The following ETV1 variants were observed in gnomAD, a reference collection of about 807,000 sequenced individuals.
ETV1 encodes the protein ETS variant transcription factor 1, also known as ETS translocation variant 1.
Under a neutral mutation model 62.3 loss-of-function variants are expected in ETV1, and 27 were observed. The observed-to-expected ratio is 0.43, with a 90% confidence interval of 0.32 to 0.60. The LOEUF (loss-of-function observed/expected upper bound fraction) is 0.60. Among genes scored for constraint, ETV1 ranks in the 20% least tolerant of loss-of-function variants. The pLI is 0.06. For missense variants in ETV1, 605 were observed against 605.8 expected, an observed-to-expected ratio of 1.00 and a Z score of 0.01; for synonymous variants, 222 against 199.6, an observed-to-expected ratio of 1.11 and a Z score of -0.94.
chr7:13,925,128 T>G (rs1338990398), intron 9 of ETV1, among the ~76,000 whole-genome samples: 1 of 152,208 alleles, frequency 6.6e-6, no homozygotes, highest in Non-Finnish European at 1.5e-5. Flanking sequence ...TTTTCTTATT[T>G]TAGCTATCTT....
chr7:13,920,502 C>A (rs973554476), intron 9 of ETV1, among the ~76,000 whole-genome samples: 6 of 151,718 alleles, frequency 4.0e-5, no homozygotes, highest in African/African-American at 1.5e-4. Flanking sequence ...GAATGAAACT[C>A]CAGGCTCTAT....
intron 6 of ETV1, among the ~76,000 whole-genome samples, chr7:13,960,461 T>C (rs1344981596): frequency 1.3e-5 from 2 of 152,184 alleles, no homozygotes; most frequent in Admixed American, 6.5e-5. Flanking sequence ...ATCATTACAT[T>C]CACCCATTTA....
intron 6 of ETV1, among the ~76,000 whole-genome samples, chr7:13,969,060 A>C (rs1412246615): frequency 1.3e-5 from 2 of 152,184 alleles, no homozygotes; most frequent in Non-Finnish European, 2.9e-5. Context: ...CAGACATGGA[A>C]CACATCTGCA....
chr7:13,925,085 C>T (rs955589390), intron 9 of ETV1, among the ~76,000 whole-genome samples: 1 of 152,186 alleles, frequency 6.6e-6, no homozygotes, highest in Non-Finnish European at 1.5e-5. Flanking sequence ...TTCCTGCTCT[C>T]TCTAAGCTCA....
intron 6 of ETV1, among the ~76,000 whole-genome samples, chr7:13,940,683 G>A (rs1214408544): frequency 6.6e-6 from 1 of 152,134 alleles, no homozygotes; most frequent in Non-Finnish European, 1.5e-5. Context: ...GATATGACAA[G>A]AGGAATTTTG....
chr7:13,933,613 G>C (rs1429644235), intron 8 of ETV1, among the ~76,000 whole-genome samples: 2 of 152,144 alleles, frequency 1.3e-5, no homozygotes, highest in Admixed American at 6.5e-5. Flanking sequence ...CTGGCTGGAG[G>C]GGGTGTTTTG....
intron 6 of ETV1, among the ~76,000 whole-genome samples, chr7:13,966,670 C>A (rs1016149018): frequency 1.3e-4 from 19 of 151,986 alleles, no homozygotes; most frequent in Admixed American, 2.6e-4. Context: ...AACAAACAAA[C>A]AAAAAAACCT....
intron 9 of ETV1, among the ~76,000 whole-genome samples, chr7:13,918,729 TG>T (rs1255017211): frequency 1.5e-4 from 9 of 60,988 alleles, no homozygotes; most frequent in Non-Finnish European, 2.3e-4. Context: ...TGTGGTGGGG[TG>T]GGGGGACGGG....
At chr7:13,910,513 A>T in intron 10 of ETV1, 1 of 577,720 alleles carries the variant, frequency 1.7e-6, no homozygotes, top group Non-Finnish European at 2.2e-6. Context: ...ATCTCATACT[A>T]CCCTTTAAAA....
chr7:13,987,257 T>C (rs1351836360), intron 4 of ETV1, among the ~76,000 whole-genome samples: 2 of 152,106 alleles, frequency 1.3e-5, no homozygotes, highest in Non-Finnish European at 2.9e-5. Context: ...AGAAAGATAA[T>C]TCTTTGGCAC....
At chr7:13,911,436 A>G (rs937251896) in intron 9 of ETV1, 129 bp from the exon 10 acceptor site, 2 of 624,878 alleles carry the variant, frequency 3.2e-6, no homozygotes, top group African/African-American at 3.7e-5. Context: ...ATGTCAACAT[A>G]TAATCAACAT....
chr7:13,962,507 C>T (rs10226187), intron 6 of ETV1, among the ~76,000 whole-genome samples: 30,287 of 152,006 alleles, frequency 0.2, 5,246 homozygotes, highest in African/African-American at 0.47. Context: ...TCAGACAAGA[C>T]GCAAAATGTG....
chr7:13,987,971 T>C (rs1202304631), intron 4 of ETV1, 115 bp downstream of exon 4: 3 of 646,082 alleles, frequency 4.6e-6, no homozygotes, highest in East Asian at 5.4e-5. Flanking sequence ...CTTAGTTAGA[T>C]TCAGTAATTT....
chr7:13,964,390 C>G (rs1324298901), intron 6 of ETV1, among the ~76,000 whole-genome samples: 1 of 152,040 alleles, frequency 6.6e-6, no homozygotes, highest in Non-Finnish European at 1.5e-5. Flanking sequence ...AGAAAAACAT[C>G]TTATGGTTTA....
intron 6 of ETV1, among the ~76,000 whole-genome samples, chr7:13,970,928 G>GA (rs796367190): frequency 1.3e-4 from 19 of 145,612 alleles, no homozygotes; most frequent in East Asian, 6.0e-4. Context: ...CCACTTCATT[G>GA]AAAAAAAAAA....
chr7:13,900,397 C>A (rs954890147), intron 13 of ETV1: 2 of 202,486 alleles, frequency 9.9e-6, no homozygotes, highest in African/African-American at 4.6e-5. Context: ...TTGCTATAAA[C>A]AAAAGCATTC....
At chr7:13,960,155 A>G (rs971177802) in intron 6 of ETV1, among the ~76,000 whole-genome samples, 5 of 152,148 alleles carry the variant, frequency 3.3e-5, no homozygotes, top group African/African-American at 1.2e-4. Flanking sequence ...TCTATAATGA[A>G]TAATTACATC....
At chr7:13,896,232 C>T in intron 13 of ETV1, 145 bp from the exon 14 acceptor site, 1 of 523,076 alleles carries the variant, frequency 1.9e-6, no homozygotes. Context: ...ATAGCAGATA[C>T]ACATAAAAAA....
chr7:13,971,295 A>G (rs534149540), intron 6 of ETV1, among the ~76,000 whole-genome samples: 2 of 152,132 alleles, frequency 1.3e-5, no homozygotes, highest in Non-Finnish European at 2.9e-5. Flanking sequence ...AAAACCAGAA[A>G]TTCTTAAAGA....
Sources: gnomAD v4.1 joint callset for allele counts (sites outside exome capture counted in the v4.1 genomes callset) on GRCh38, gnomAD v4.1.1 for gene constraint, MANE v1.5 for transcripts, NCBI Gene and HGNC (gene_info 2026-07-23, HGNC 2026-07-21) for gene names.